PCGF6: variants seen among roughly 807,000 people sequenced by gnomAD.
The protein encoded by PCGF6 is polycomb group RING finger protein 6.
Under a neutral mutation model 45.5 loss-of-function variants are expected in PCGF6, and 24 were observed. The ratio of observed to expected loss-of-function variants is 0.53; its 90% confidence interval spans 0.38 to 0.74. The LOEUF (loss-of-function observed/expected upper bound fraction) is 0.74. Among genes scored for constraint, PCGF6 ranks in the 30% least tolerant of loss-of-function variants. The pLI is 0.00. For missense variants in PCGF6, 356 were observed against 443.2 expected, an observed-to-expected ratio of 0.80 and a Z score of 1.77; for synonymous variants, 152 against 162.1, an observed-to-expected ratio of 0.94 and a Z score of 0.47.
At chr10:103,350,567 G>T in intron 1 of PCGF6, 140 bp downstream of exon 1, 1 of 791,800 alleles carries the variant, frequency 1.3e-6, no homozygotes. Context: ...AGGCAGCCGG[G>T]GCAGAGGTCG....
rs1340647703 is a variant in PCGF6 at position 103,337,931 on chromosome 10, G to C, written c.783-3979C>G. ...TACAAAAAATTAGCCGGGCGTAGTG[G>C]TGGGCGCCTGTAGTCCCAGCTACTT... On this transcript the variant is annotated intron_variant, in intron 6 of 9. Transcript: ENST00000369847. Among the ~76,000 whole-genome samples the C allele has an allele frequency of 1.8e-5, 2 of 110,092 alleles. 1 individual carries two copies. The highest frequency in any genetic ancestry group is 6.6e-5 in the African/African-American group (2 of 30,244). 72.2% of individuals were successfully genotyped at this position (110,092 alleles called of 152,430 possible).
chr10:103,316,745 G>A (rs2093177571), intron 8 of PCGF6, among the ~76,000 whole-genome samples: 1 of 152,124 alleles, frequency 6.6e-6, no homozygotes, highest in African/African-American at 2.4e-5. Context: ...CGGTGTGGCT[G>A]TGCTTTCAAT....
intron 6 of PCGF6, among the ~76,000 whole-genome samples, chr10:103,343,185 C>T (rs181320495): frequency 6.6e-6 from 1 of 152,024 alleles, no homozygotes; most frequent in Admixed American, 6.6e-5. Flanking sequence ...GCCTCGGCCT[C>T]CCAAAGTGCT....
At chr10:103,334,609 CAAG>C (rs2093250217) in intron 6 of PCGF6, among the ~76,000 whole-genome samples, 1 of 152,132 alleles carries the variant, frequency 6.6e-6, no homozygotes, top group African/African-American at 2.4e-5. Context: ...AAATTTCTTA[CAAG>C]AAGGCTGCTA....
intron 9 of PCGF6, among the ~76,000 whole-genome samples, chr10:103,310,690 AAAT>A (rs1487207776): frequency 6.6e-6 from 1 of 152,082 alleles, no homozygotes; most frequent in African/African-American, 2.4e-5. Flanking sequence ...CCAAAAAAAA[AAAT>A]ATTATTTCTT....
At chr10:103,319,363 G>A (rs1468231398) in intron 8 of PCGF6, among the ~76,000 whole-genome samples, 1 of 151,978 alleles carries the variant, frequency 6.6e-6, no homozygotes, top group African/African-American at 2.4e-5. Context: ...ATGTTGGCCA[G>A]GATGGTCTCG....
chr10:103,327,522 A>T lies in PCGF6; in HGVS notation c.811-890T>A, dbSNP rs141429823. On this transcript the variant is annotated intron_variant, in intron 7 of 9. Coordinates refer to ENST00000369847, the MANE Select transcript of PCGF6 (RefSeq NM_001011663.2). ...ATCAAGGGATTATCATTAATTTAAA[A>T]AACTGTAGTATCATTATTATGTTGC... Among the ~76,000 whole-genome samples the T allele has an allele frequency of 3.6e-3, 549 of 152,282 alleles. 4 individuals carry two copies. Among genetic ancestry groups the T allele is most frequent in the South Asian group, 0.011 (52 of 4,830 alleles).
chr10:103,339,810 A>AAAAAC lies in PCGF6; in HGVS notation c.782+5213_782+5214insGTTTT, dbSNP rs1554865094. On this transcript the variant is annotated intron_variant, in intron 6 of 9. Transcript: ENST00000369847. Reference sequence around the variant, plus strand: ...GAAATTCTGTCTGTCTCAAAAAAAAAACACACACACACACACACACACACA... The same window carrying AAAAAC: ...GAAATTCTGTCTGTCTCAAAAAAAAAAAAACACACACACACACACACACACACACA... Among the ~76,000 whole-genome samples the AAAAAC allele has an allele frequency of 1.8e-3, 58 of 32,228 alleles. 1 individual carries two copies. The highest frequency in any genetic ancestry group is 3.1e-3 in the Non-Finnish European group (44 of 14,294). The allele number at this position is 32,228 out of a possible 152,430, so 21.1% of individuals were successfully genotyped here. A position where few individuals can be genotyped will look rare whatever the true frequency, so the allele number is the denominator to read the frequency against.
chr10:103,309,960 T>C (rs925630432), intron 9 of PCGF6, among the ~76,000 whole-genome samples: 3 of 151,814 alleles, frequency 2.0e-5, no homozygotes, highest in African/African-American at 7.2e-5. Context: ...CTTTCTTTTT[T>C]TTTTTTTTGA....
chr10:103,345,496 C>T (rs144763128), intron 5 of PCGF6, among the ~76,000 whole-genome samples: 2 of 147,436 alleles, frequency 1.4e-5, no homozygotes, highest in East Asian at 4.0e-4. Context: ...GATATAGGTA[C>T]CAGTGCTACT....
intron 7 of PCGF6, among the ~76,000 whole-genome samples, chr10:103,330,809 A>G (rs2093237238): frequency 1.3e-5 from 2 of 152,166 alleles, no homozygotes; most frequent in South Asian, 4.1e-4. Context: ...CGCACCTGTA[A>G]TACCAGCTAC....
intron 6 of PCGF6, among the ~76,000 whole-genome samples, chr10:103,343,912 T>G (rs768011993): frequency 7.0e-6 from 1 of 143,152 alleles, no homozygotes; most frequent in African/African-American, 2.6e-5. Flanking sequence ...ACCCTAAGAC[T>G]CAGTAAATCT....
intron 6 of PCGF6, among the ~76,000 whole-genome samples, chr10:103,340,194 AAAAAATAT>A (rs1240630113): frequency 5.9e-4 from 63 of 106,546 alleles, no homozygotes; most frequent in African/African-American, 2.1e-3. Context: ...AAAAAAAAAA[AAAAAATAT>A]ATATATATAT....
intron 8 of PCGF6, among the ~76,000 whole-genome samples, chr10:103,316,904 G>A (rs1255614069): frequency 6.6e-6 from 1 of 152,138 alleles, no homozygotes; most frequent in Non-Finnish European, 1.5e-5. Flanking sequence ...TGTTTTTAGA[G>A]TGGTATTTCC....
chr10:103,348,131 G>C (rs2133601892), intron 3 of PCGF6, among the ~76,000 whole-genome samples: 1 of 152,138 alleles, frequency 6.6e-6, no homozygotes, highest in East Asian at 1.9e-4. Flanking sequence ...ACAGAATTTG[G>C]AATACCTATA....
chr10:103,317,386 G>A (rs189631589), intron 8 of PCGF6, among the ~76,000 whole-genome samples: 1 of 152,004 alleles, frequency 6.6e-6, no homozygotes, highest in East Asian at 1.9e-4. Context: ...ATACATTCAC[G>A]GTATTATTAC....
chr10:103,319,412 A>G (rs1186590194), intron 8 of PCGF6, among the ~76,000 whole-genome samples: 3 of 151,908 alleles, frequency 2.0e-5, no homozygotes, highest in Admixed American at 6.6e-5. Flanking sequence ...CGGCCTCCCA[A>G]AGTGCTGGGA....
intron 9 of PCGF6, among the ~76,000 whole-genome samples, chr10:103,313,130 G>A (rs894815938): frequency 6.6e-6 from 1 of 152,084 alleles, no homozygotes; most frequent in Admixed American, 6.5e-5. Context: ...TCACATTATA[G>A]GTTAATTAAA....
chr10:103,341,599 C>T (rs1299600601), intron 6 of PCGF6, among the ~76,000 whole-genome samples: 1 of 151,550 alleles, frequency 6.6e-6, no homozygotes, highest in Middle Eastern at 3.4e-3. Flanking sequence ...GCCACCACAT[C>T]CAGCTTTTTT....
Sources: allele counts gnomAD v4.1 joint callset (sites outside exome capture counted in the v4.1 genomes callset), GRCh38; gene constraint gnomAD v4.1.1; transcripts MANE v1.5; gene names NCBI Gene and HGNC (gene_info 2026-07-23, HGNC 2026-07-21).